The following PRSS23 variants were observed in gnomAD, a reference collection of about 807,000 sequenced individuals.
PRSS23 encodes the protein serine protease 23, also known as protease, serine 23.
A neutral mutation model predicts 34.7 loss-of-function variants in PRSS23; 25 were observed. That is an observed-to-expected ratio of 0.72 (90% CI 0.53 to 1.01). The LOEUF is 1.01. Among genes scored for constraint, PRSS23 ranks in the 50% least tolerant of loss-of-function variants. The pLI, the probability that PRSS23 is intolerant of heterozygous loss-of-function variation, is 0.00. For synonymous variants in PRSS23, 176 were observed against 186.6 expected (o/e 0.94, Z 0.46); for missense variants, 445 against 475.6 (o/e 0.94, Z 0.60).
downstream of PRSS23, among the ~76,000 whole-genome samples, chr11:86,813,718 A>G (rs553109637): frequency 8.5e-5 from 13 of 152,324 alleles, no homozygotes; most frequent in Admixed American, 2.6e-4. Flanking sequence ...ATAATTTTTA[A>G]TATTTTTTAA....
intron 2 of PRSS23, chr11:86,896,679 TTGTTACCAAG>T (rs1210951599): frequency 2.0e-5 from 3 of 152,240 alleles, no homozygotes; most frequent in Non-Finnish European, 2.9e-5. Flanking sequence ...CCATTTCAAA[TTGTTACCAAG>T]TGATTCCTAC....
At chr11:86,822,452 C>A (rs1948259219) in intron 1 of PRSS23, among the ~76,000 whole-genome samples, 1 of 151,970 alleles carries the variant, frequency 6.6e-6, no homozygotes, top group Non-Finnish European at 1.5e-5. Flanking sequence ...GAGACCTCGT[C>A]TCAACACAAC....
intron 2 of PRSS23, among the ~76,000 whole-genome samples, chr11:86,878,228 C>T (rs1204697638): frequency 6.7e-6 from 1 of 148,728 alleles, no homozygotes; most frequent in East Asian, 2.0e-4. Context: ...CCCCCTACCC[C>T]TCCCCCTCCC....
intron 2 of PRSS23, among the ~76,000 whole-genome samples, chr11:86,923,351 T>A (rs549158696): frequency 1.4e-4 from 21 of 152,318 alleles, no homozygotes; most frequent in African/African-American, 5.1e-4. Flanking sequence ...GGTCTCGAAC[T>A]CAAGTGATCC....
chr11:86,808,025 C>T lies in PRSS23; in HGVS notation c.382C>T (p.Arg128Trp), dbSNP rs1395497364. The T allele has an allele frequency of 6.2e-6, 10 of 1,613,892 alleles. No homozygotes were observed. The highest frequency in any genetic ancestry group is 4.0e-5 in the African/African-American group (3 of 74,866). ...SGSSGKSRRK[R>W]QIYGYDSRFS... is the part of the protein sequence containing the mutation. ...GTCTTCAGGAAAGTCTCGAAGGAAG[C>T]GGCAGATTTATGGCTATGACAGCAG... Residue 128 changes from arginine to tryptophan, a missense_variant, in exon 2 of 2, where the codon CGG becomes TGG. Coordinates refer to ENST00000280258, the MANE Select transcript of PRSS23 (RefSeq NM_007173.6).
At chr11:86,863,515 T>C (rs372198476) in intron 2 of PRSS23, among the ~76,000 whole-genome samples, 3 of 152,196 alleles carry the variant, frequency 2.0e-5, no homozygotes, top group Non-Finnish European at 4.4e-5. Context: ...CTCAGTCTAC[T>C]ACATTCCTTG....
intron 2 of PRSS23, among the ~76,000 whole-genome samples, chr11:86,886,450 T>A (rs1327797681): frequency 6.6e-6 from 1 of 152,218 alleles, no homozygotes; most frequent in Non-Finnish European, 1.5e-5. Flanking sequence ...GCGTGAAGCC[T>A]CTGTTAAAAC....
At chr11:86,843,341 C>G (rs1196918055) in intron 2 of PRSS23, among the ~76,000 whole-genome samples, 1 of 152,172 alleles carries the variant, frequency 6.6e-6, no homozygotes, top group Non-Finnish European at 1.5e-5. Context: ...TAGGCAATAT[C>G]ATTAAGGACA....
chr11:86,838,836 C>G (rs1200766046), intron 2 of PRSS23, among the ~76,000 whole-genome samples: 2 of 152,138 alleles, frequency 1.3e-5, no homozygotes, highest in South Asian at 2.1e-4. Flanking sequence ...CCCAGGCAAA[C>G]AGGTTCTGGA....
At position 86,852,643 on chromosome 11, in the gene PRSS23, A is replaced by T. The variant is rs1948538642; in HGVS notation, c.206+29050A>T. ...CCACTATTTTTCAGTTTACAGTTTAATGACATTAAGTACATTCACATTGTT... is the reference window on the plus strand; with the variant it reads ...CCACTATTTTTCAGTTTACAGTTTATTGACATTAAGTACATTCACATTGTT... On this transcript the variant is annotated intron_variant, in intron 2 of 2. Coordinates refer to the PRSS23 transcript ENST00000533902. 4.6e-5 allele frequency among the ~76,000 whole-genome samples: 7 copies of T among 152,180 alleles called. No individual in the cohort carries two copies. In the South Asian group the frequency reaches 1.4e-3, roughly 32 times the overall value.
chr11:86,838,415 G>A (rs1948423117), intron 2 of PRSS23, among the ~76,000 whole-genome samples: 1 of 152,184 alleles, frequency 6.6e-6, no homozygotes, highest in Non-Finnish European at 1.5e-5. Flanking sequence ...GGGGAGAGGG[G>A]CATCTGCCAT....
At chr11:86,865,960 C>G (rs1362153526) in intron 2 of PRSS23, among the ~76,000 whole-genome samples, 2 of 152,170 alleles carry the variant, frequency 1.3e-5, no homozygotes, top group Non-Finnish European at 2.9e-5. Flanking sequence ...GGGCATCAGT[C>G]ATCATTTCTT....
At chr11:86,845,110 T>G (rs1948477053) in intron 2 of PRSS23, among the ~76,000 whole-genome samples, 1 of 151,214 alleles carries the variant, frequency 6.6e-6, no homozygotes, top group South Asian at 2.1e-4. Context: ...AAAAAAGAAT[T>G]AAGTAAGTCG....
chr11:86,799,632 T>A (rs2135591407), upstream of PRSS23, among the ~76,000 whole-genome samples: 1 of 152,294 alleles, frequency 6.6e-6, no homozygotes, highest in East Asian at 1.9e-4. Context: ...GCTCTAACAC[T>A]AGGACCTTAA....
chr11:86,855,370 T>C (rs1948561984), intron 2 of PRSS23, among the ~76,000 whole-genome samples: 1 of 152,158 alleles, frequency 6.6e-6, no homozygotes, highest in African/African-American at 2.4e-5. Flanking sequence ...TGTCAAACAG[T>C]CGAACTCATT....
intron 2 of PRSS23, among the ~76,000 whole-genome samples, chr11:86,883,720 A>G (rs72957525): frequency 0.052 from 7,972 of 152,250 alleles, 255 homozygotes; most frequent in Non-Finnish European, 0.076. Flanking sequence ...TTACCTCTAT[A>G]ATTTCCCTCC....
intron 1 of PRSS23, chr11:86,821,432 G>T: frequency 6.5e-7 from 1 of 1,542,684 alleles, no homozygotes; most frequent in Non-Finnish European, 8.9e-7. Flanking sequence ...AAGACATGCA[G>T]CACCATCAAG....
At position 86,818,336 on chromosome 11, in the gene PRSS23, C is replaced by A. The variant is rs145081919; in HGVS notation, c.-11-5041C>A. On this transcript the variant is annotated intron_variant, in intron 1 of 2. Coordinates refer to the PRSS23 transcript ENST00000533902. ...ATTAATTGAAATCTATTTTGAATGG[C>A]CAACATTCAGAAGTTTCTCGAGTGC... Among the ~76,000 whole-genome samples the A allele has an allele frequency of 3.8e-3, 584 of 152,174 alleles. 3 individuals are homozygous for A. The highest frequency in any genetic ancestry group is 0.01 in the Middle Eastern group (3 of 292).
In PRSS23 at chr11:86,884,685, A is replaced by G. The variant is rs377341859; in HGVS notation, c.206+61092A>G. On this transcript the variant is annotated intron_variant, in intron 2 of 2. Coordinates refer to the PRSS23 transcript ENST00000533902. ...ATCTCCAAATTGCTTTGCATAACACATAAGCCTTCAAGATACGGCCACTGT... is the reference window on the plus strand; with the variant it reads ...ATCTCCAAATTGCTTTGCATAACACGTAAGCCTTCAAGATACGGCCACTGT... 3.9e-5 allele frequency among the ~76,000 whole-genome samples: 6 copies of G among 152,340 alleles called. No individual in the cohort carries two copies. In the South Asian group the frequency reaches 1.2e-3, roughly 32 times the overall value.
Sources: allele counts gnomAD v4.1 joint callset (sites outside exome capture counted in the v4.1 genomes callset), GRCh38; gene constraint gnomAD v4.1.1; transcripts MANE v1.5; gene names NCBI Gene and HGNC (gene_info 2026-07-23, HGNC 2026-07-21).